The following COL4A4 variants were observed in gnomAD, a reference collection of about 807,000 sequenced individuals.
COL4A4 encodes the protein collagen alpha-4(IV) chain.
A neutral mutation model predicts 192.9 loss-of-function variants in COL4A4; 105 were observed. That is an observed-to-expected ratio of 0.54 (90% CI 0.46 to 0.64). The LOEUF is 0.64. Among genes scored for constraint, COL4A4 ranks in the 30% least tolerant of loss-of-function variants. The pLI is 0.00. For synonymous variants in COL4A4, 762 were observed against 769.9 expected (o/e 0.99, Z 0.17); for missense variants, 1,967 against 2,169.3 (o/e 0.91, Z 1.85).
intron 7 of COL4A4, 124 bp downstream of exon 7, chr2:227,118,521 C>G (rs2061607790): frequency 1.3e-6 from 1 of 774,536 alleles, no homozygotes; most frequent in East Asian, 2.5e-5. Flanking sequence ...CCCAGCCACT[C>G]CCATTTGTTG....
chr2:226,993,401 C>G, the COL4A4 span, among the ~76,000 whole-genome samples: 9 of 152,170 alleles, frequency 5.9e-5, no homozygotes, highest in African/African-American at 1.4e-4. Flanking sequence ...AAGTCCTGGC[C>G]TGCACTCACA....
intron 5 of COL4A4, 24 bp downstream of exon 5, chr2:227,120,990 A>G (rs758300352): frequency 2.5e-6 from 4 of 1,613,714 alleles, no homozygotes; most frequent in East Asian, 4.5e-5. Flanking sequence ...TTTCATGTGA[A>G]TCTCCACATA....
chr2:227,130,122 A>G (rs1047054970), intron 4 of COL4A4, among the ~76,000 whole-genome samples: 1 of 152,224 alleles, frequency 6.6e-6, no homozygotes, highest in African/African-American at 2.4e-5. Flanking sequence ...AACAGTAGAC[A>G]ATCCAGAGAC....
intron 19 of COL4A4, 149 bp from the exon 20 acceptor site, chr2:227,094,438 A>C: frequency 1.4e-6 from 1 of 718,640 alleles, no homozygotes; most frequent in South Asian, 1.8e-5. Context: ...TAAGTGAAAT[A>C]AGCCAGACAC....
intron 44 of COL4A4, among the ~76,000 whole-genome samples, chr2:227,015,292 A>G (rs1444879066): frequency 1.3e-5 from 2 of 152,326 alleles, no homozygotes; most frequent in East Asian, 1.9e-4. Context: ...CCAGTTGCTT[A>G]TCGTAGTGAG....
chr2:227,008,132 G>A lies in COL4A4; in HGVS notation c.4695C>T (p.Arg1565=). 1 of 1,614,094 alleles carries A rather than the reference G, an allele frequency of 6.2e-7. No homozygotes were observed. The highest frequency in any genetic ancestry group is 8.5e-7 in the Non-Finnish European group (1 of 1,179,954). ...SEEAIRPYVS[R]CAVCEAPAQA... ...GGGCCGGGGCCTCGCATACCGCACAGCGGCTGACATAGGGGCGGATCGCCT... is the reference window on the plus strand; with the variant it reads ...GGGCCGGGGCCTCGCATACCGCACAACGGCTGACATAGGGGCGGATCGCCT... The change falls in exon 47 of 48, where the codon CGC becomes CGT. Residue 1565 remains arginine, a synonymous_variant. Coordinates refer to ENST00000396625, the MANE Select transcript of COL4A4 (RefSeq NM_000092.5).
At chr2:227,105,690 G>A (rs2150830825) in intron 12 of COL4A4, among the ~76,000 whole-genome samples, 1 of 152,044 alleles carries the variant, frequency 6.6e-6, no homozygotes, top group African/African-American at 2.4e-5. Context: ...TGCTTTTCTG[G>A]GTATTACTAT....
At chr2:227,147,327 A>T in intron 2 of COL4A4, 86 bp downstream of exon 2, 1 of 1,287,550 alleles carries the variant, frequency 7.8e-7, no homozygotes, top group Non-Finnish European at 1.1e-6. Context: ...TTGACATATT[A>T]AGCATTCAGA....
At chr2:227,041,866 GAAA>G (rs1971412596) in intron 37 of COL4A4, among the ~76,000 whole-genome samples, 7 of 130,126 alleles carry the variant, frequency 5.4e-5, no homozygotes. Flanking sequence ...AAGAAAGAAA[GAAA>G]GAAAGAAAGA....
Position 227,003,903 on chromosome 2 carries a change from A to G in COL4A4, c.*3422T>C, listed in dbSNP as rs1961525823. On this transcript the variant is annotated 3_prime_UTR_variant, in exon 48 of 48. Coordinates refer to ENST00000396625, the MANE Select transcript of COL4A4 (RefSeq NM_000092.5). Reference sequence around the variant, plus strand: ...AAGCTTATCAATTGGCTTTCTGGCAATAATTGTAACAAGAGAATGTGGGTA... The same window carrying G: ...AAGCTTATCAATTGGCTTTCTGGCAGTAATTGTAACAAGAGAATGTGGGTA... 6.6e-6 allele frequency: 1 copy of G among 152,242 alleles called. No individual in the cohort carries two copies. Among genetic ancestry groups the G allele is most frequent in the Non-Finnish European group, 1.5e-5 (1 of 68,038 alleles). 9.4% of individuals were successfully genotyped at this position (152,242 alleles called of 1,614,324 possible).
At chr2:226,985,258 A>G in the COL4A4 span, among the ~76,000 whole-genome samples, 5 of 152,192 alleles carry the variant, frequency 3.3e-5, no homozygotes, top group African/African-American at 9.7e-5. Flanking sequence ...ATCTGTATCT[A>G]TATCTCTCCC....
At chr2:227,001,731 G>A (rs937263402), downstream of COL4A4, among the ~76,000 whole-genome samples, 6 of 152,200 alleles carry the variant, frequency 3.9e-5, no homozygotes, top group Admixed American at 2.6e-4. Context: ...TAGGACAGCT[G>A]TAGGGTTGAG....
At chr2:227,152,641 G>A (rs1050622678) in intron 1 of COL4A4, among the ~76,000 whole-genome samples, 7 of 152,192 alleles carry the variant, frequency 4.6e-5, no homozygotes, top group South Asian at 2.1e-4. Context: ...TGTGCCTGGC[G>A]CTTTGCAGTT....
intron 25 of COL4A4, among the ~76,000 whole-genome samples, chr2:227,067,895 C>CA (rs1324578756): frequency 2.9e-5 from 4 of 138,678 alleles, no homozygotes; most frequent in African/African-American, 1.1e-4. Context: ...AATAGAGACA[C>CA]AAAAAACCCT....
At chr2:227,150,256 G>A (rs1414605636) in intron 1 of COL4A4, among the ~76,000 whole-genome samples, 1 of 152,126 alleles carries the variant, frequency 6.6e-6, no homozygotes, top group Non-Finnish European at 1.5e-5. Context: ...GAGAGAAACT[G>A]ACACTTTGAT....
In COL4A4 at chr2:227,103,851, G is replaced by A. The variant is rs1384983870; in HGVS notation, c.816+121C>T. Reference sequence around the variant, plus strand: ...CCAACAGTAGTACCAACTTATTAAAGTAGGTTTGAAACTAGTGCAGTGATG... The same window carrying A: ...CCAACAGTAGTACCAACTTATTAAAATAGGTTTGAAACTAGTGCAGTGATG... On this transcript the variant is annotated intron_variant, in intron 13 of 47. Coordinates refer to ENST00000396625, the MANE Select transcript of COL4A4 (RefSeq NM_000092.5). 2.0e-5 allele frequency: 15 copies of A among 763,384 alleles called. No individual in the cohort carries two copies. In the Admixed American group the frequency reaches 3.0e-4, roughly 15 times the overall value. 47.3% of individuals were successfully genotyped at this position (763,384 alleles called of 1,614,324 possible).
chr2:227,035,738 C>T (rs1575958563), intron 37 of COL4A4, among the ~76,000 whole-genome samples: 1 of 152,232 alleles, frequency 6.6e-6, no homozygotes, highest in Middle Eastern at 3.4e-3. Context: ...GATAAATTTT[C>T]GGGGGGACCA....
At chr2:227,105,286 G>A (rs2060777941) in intron 12 of COL4A4, among the ~76,000 whole-genome samples, 2 of 150,258 alleles carry the variant, frequency 1.3e-5, no homozygotes, top group Admixed American at 6.6e-5. Flanking sequence ...TGCCTCCCGG[G>A]CTCAAGTGAT....
At chr2:227,126,177 A>G (rs1000123870) in intron 4 of COL4A4, among the ~76,000 whole-genome samples, 1 of 152,236 alleles carries the variant, frequency 6.6e-6, no homozygotes, top group Non-Finnish European at 1.5e-5. Flanking sequence ...TAAATAACCT[A>G]GAAATGATTT....
Sources: gnomAD v4.1 joint callset for allele counts (sites outside exome capture counted in the v4.1 genomes callset) on GRCh38, gnomAD v4.1.1 for gene constraint, MANE v1.5 for transcripts, NCBI Gene and HGNC (gene_info 2026-07-23, HGNC 2026-07-21) for gene names.